RIPOR2: variants seen among roughly 807,000 people sequenced by gnomAD.
RIPOR2 encodes the protein RHO family interacting cell polarization regulator 2.
RIPOR2 carries 39 observed loss-of-function variants against 114.5 expected under a neutral mutation model. That is an observed-to-expected ratio of 0.34 (90% CI 0.26 to 0.44). The LOEUF is 0.44. RIPOR2 is among the 20% of genes least tolerant of loss of function. The pLI, the probability that RIPOR2 is intolerant of heterozygous loss-of-function variation, is 1.00. For synonymous variants in RIPOR2, 445 were observed against 484.4 expected (o/e 0.92, Z 1.07); for missense variants, 1,007 against 1,255.1 (o/e 0.80, Z 2.99).
Position 24,825,399 on chromosome 6 carries a change from T to C in RIPOR2, c.2695A>G (p.Arg899Gly), listed in dbSNP as rs998428608. 5.8e-6 allele frequency: 9 copies of C among 1,552,078 alleles called. No homozygotes were observed. Among genetic ancestry groups the C allele is most frequent in the Non-Finnish European group, 7.8e-6 (9 of 1,147,042 alleles). The change falls in exon 19 of 22, where the codon AGA becomes GGA. Residue 899 changes from arginine (R) to glycine (G), a missense_variant. Physicochemically the swap from Arg to Gly is moderately radical, Grantham distance 125. Coordinates refer to ENST00000643898, the MANE Select transcript of RIPOR2 (RefSeq NM_001286445.3). ...VSMVQTLQSL[R>G]DEKLLQTMSD... ...ATGGTTTGTAGCAGTTTTTCATCTC[T>C]TAGTGATTGCAGAGTCTGAACCATG... is the stretch of plus-strand genomic sequence containing the variant.
In RIPOR2 at chr6:24,829,895, T is replaced by C. The variant is rs114419418; in HGVS notation, c.2506+614A>G. Among the ~76,000 whole-genome samples, 540 of 152,330 alleles carry C rather than the reference T, an allele frequency of 3.5e-3. 2 individuals carry two copies. The highest frequency in any genetic ancestry group is 0.012 in the African/African-American group (502 of 41,572). ...AGTTTTTCCAAAGTGATCATACCAT[T>C]TGACACTCTCGTACTGGTGAAATTG... On this transcript the variant is annotated intron_variant, in intron 17 of 21. Transcript: ENST00000643898.
intron 1 of RIPOR2, among the ~76,000 whole-genome samples, chr6:24,983,038 C>T (rs1312174740): frequency 6.6e-6 from 1 of 151,736 alleles, no homozygotes; most frequent in Non-Finnish European, 1.5e-5. Flanking sequence ...TTCTTTTTTC[C>T]TTTAAAAACC....
At chr6:25,041,759 G>A in intron 1 of RIPOR2, 2 of 641,852 alleles carry the variant, frequency 3.1e-6, no homozygotes, top group Non-Finnish European at 5.6e-6. Context: ...GGAAAGATTG[G>A]AGAAGATTTG....
At position 24,843,518 on chromosome 6, in the gene RIPOR2, C is replaced by A. The variant is rs769089967; in HGVS notation, c.1201G>T (p.Ala401Ser). The part of the protein sequence containing the change: ...LPDDIFENGK[A>S]AEEKMPLSLS... ...GACAGTGGCATTTTCTCCTCGGCTG[C>A]CTTTCCATTTTCAAAGATGTCATCA... The change falls in exon 13 of 22, where the codon GCA (alanine) becomes TCA (serine). Residue 401 changes from alanine (A) to serine (S), a missense_variant. By Grantham distance (99) the Ala-to-Ser change is moderately conservative. Transcript: ENST00000643898. The A allele has an allele frequency of 6.5e-7, 1 of 1,531,324 alleles. No individual in the cohort carries two copies. The highest frequency in any genetic ancestry group is 2.1e-5 in the Admixed American group (1 of 46,924). 94.9% of individuals were successfully genotyped at this position (1,531,324 alleles called of 1,614,324 possible). A position where few individuals can be genotyped will look rare whatever the true frequency, so the allele number is the denominator to read the frequency against.
chr6:24,917,172 C>T (rs1280945078), intron 1 of RIPOR2, among the ~76,000 whole-genome samples: 2 of 152,268 alleles, frequency 1.3e-5, no homozygotes, highest in Non-Finnish European at 2.9e-5. Context: ...ATACCATAAT[C>T]TAGAATAGCC....
chr6:24,930,582 G>T (rs1212703447), intron 1 of RIPOR2, among the ~76,000 whole-genome samples: 1 of 152,180 alleles, frequency 6.6e-6, no homozygotes, highest in Non-Finnish European at 1.5e-5. Context: ...ACCAGCCAAA[G>T]AAAGCTTCCT....
intron 1 of RIPOR2, among the ~76,000 whole-genome samples, chr6:24,989,362 C>T (rs999183439): frequency 3.3e-5 from 5 of 150,652 alleles, no homozygotes; most frequent in African/African-American, 1.2e-4. Context: ...ATGGCATGAT[C>T]TCAGCTCACT....
At chr6:24,868,392 GATAGAT>G (rs1215411643) in intron 6 of RIPOR2, among the ~76,000 whole-genome samples, 1 of 152,170 alleles carries the variant, frequency 6.6e-6, no homozygotes, top group African/African-American at 2.4e-5. Flanking sequence ...AAGAGAGGCT[GATAGAT>G]ATAGACAAAC....
In RIPOR2 at chr6:24,854,861, C is replaced by A. The variant is rs546703634; in HGVS notation, c.716-2243G>T. On this transcript the variant is annotated intron_variant, in intron 8 of 21. Transcript: ENST00000643898. The stretch of plus-strand genomic sequence containing the variant: ...TGGCCAACATGGTGAAACCCTATCT[C>A]TACTAAAAATACAAAATTAGCCGGG... Among the ~76,000 whole-genome samples, 35 of 152,038 alleles carry A rather than the reference C, an allele frequency of 2.3e-4. No individual in the cohort carries two copies. The East Asian group carries it at 6.4e-3, about 28-fold the overall frequency.
chr6:24,831,969 A>C (rs1760723452), intron 16 of RIPOR2, among the ~76,000 whole-genome samples: 2 of 152,316 alleles, frequency 1.3e-5, no homozygotes, highest in East Asian at 1.9e-4. Context: ...GAACCGCACC[A>C]GCAGAAAGTC....
At chr6:25,024,050 G>A (rs1257216203) in intron 1 of RIPOR2, 2 of 759,894 alleles carry the variant, frequency 2.6e-6, no homozygotes, top group African/African-American at 1.7e-5. Flanking sequence ...TAGAACTCGG[G>A]CATCCTCCAG....
chr6:24,928,468 T>C (rs1202156966), intron 1 of RIPOR2, among the ~76,000 whole-genome samples: 1 of 152,212 alleles, frequency 6.6e-6, no homozygotes, highest in Admixed American at 6.5e-5. Flanking sequence ...AAAATTATAC[T>C]CAAAGGCTCA....
chr6:24,840,754 G>A (rs1761631555), intron 13 of RIPOR2: 1 of 1,535,516 alleles, frequency 6.5e-7, no homozygotes, highest in South Asian at 1.2e-5. Context: ...TTTAGTTTCT[G>A]ATCGTCAAGG....
intron 1 of RIPOR2, among the ~76,000 whole-genome samples, chr6:25,021,664 T>G (rs574003877): frequency 6.6e-6 from 1 of 152,204 alleles, no homozygotes; most frequent in Non-Finnish European, 1.5e-5. Flanking sequence ...GGGTGAGGGA[T>G]AAAAGACTGC....
intron 14 of RIPOR2, 146 bp downstream of exon 14, chr6:24,838,944 TA>T: frequency 3.3e-6 from 2 of 600,308 alleles, no homozygotes; most frequent in Non-Finnish European, 2.8e-6. Context: ...CACTTGACAA[TA>T]AAAAGGAACT....
intron 20 of RIPOR2, among the ~76,000 whole-genome samples, chr6:24,811,657 C>CTTTTT (rs1222503239): frequency 2.3e-4 from 5 of 21,730 alleles, no homozygotes; most frequent in African/African-American, 4.2e-4. Context: ...TCGTTTAGTA[C>CTTTTT]TTTTTTTTTT....
chr6:24,971,186 A>T (rs1581893271), intron 1 of RIPOR2, among the ~76,000 whole-genome samples: 1 of 152,090 alleles, frequency 6.6e-6, no homozygotes, highest in Admixed American at 6.6e-5. Flanking sequence ...GTTGTGGCTG[A>T]CTCCTTCCAT....
At chr6:24,930,266 G>A (rs1006552947) in intron 1 of RIPOR2, among the ~76,000 whole-genome samples, 18 of 152,124 alleles carry the variant, frequency 1.2e-4, no homozygotes, top group Non-Finnish European at 2.9e-5. Flanking sequence ...CCTACAATGA[G>A]TATGCATGTA....
intron 1 of RIPOR2, among the ~76,000 whole-genome samples, chr6:24,983,043 A>G (rs182548886): frequency 3.8e-3 from 574 of 152,164 alleles, no homozygotes; most frequent in Non-Finnish European, 6.1e-3. Flanking sequence ...TTTTCCTTTA[A>G]AAACCTGCTT....
Sources: gnomAD v4.1 joint callset for allele counts (sites outside exome capture counted in the v4.1 genomes callset) on GRCh38, gnomAD v4.1.1 for gene constraint, MANE v1.5 for transcripts, NCBI Gene and HGNC (gene_info 2026-07-23, HGNC 2026-07-21) for gene names.